The following SLC36A1 variants were observed in gnomAD, a reference collection of about 807,000 sequenced individuals.
SLC36A1 encodes solute carrier family 36 member 1, also known as proton-coupled amino acid transporter 1.
SLC36A1 carries 30 observed loss-of-function variants against 47.5 expected under a neutral mutation model. That is an observed-to-expected ratio of 0.63 (90% CI 0.47 to 0.86). The LOEUF (loss-of-function observed/expected upper bound fraction) is 0.86, where lower values mean the gene tolerates loss of function less well. Ranked by LOEUF, SLC36A1 falls within the 40% of genes least tolerant of loss-of-function variation. The pLI, the probability that SLC36A1 is intolerant of heterozygous loss-of-function variation, is 0.00. For synonymous variants in SLC36A1, 255 were observed against 249.7 expected, an observed-to-expected ratio of 1.02 and a Z score of -0.20; for missense variants, 517 against 606.0, an observed-to-expected ratio of 0.85 and a Z score of 1.54.
chr5:151,551,012 A>G, the SLC36A1 span: 1 of 769,420 alleles, frequency 1.3e-6, no homozygotes, highest in African/African-American at 1.8e-5. Context: ...TGTTGAATGA[A>G]TGACAGTATT....
the SLC36A1 span, among the ~76,000 whole-genome samples, chr5:151,526,335 G>A: frequency 2.0e-5 from 3 of 152,192 alleles, no homozygotes; most frequent in East Asian, 3.8e-4. Context: ...GGAATGTTGC[G>A]ATTTGCAAAG....
At chr5:151,398,811 A>G in the SLC36A1 span, among the ~76,000 whole-genome samples, 4 of 152,188 alleles carry the variant, frequency 2.6e-5, no homozygotes, top group Non-Finnish European at 2.9e-5. Context: ...CTCTTGGACA[A>G]TCATGTCACT....
chr5:151,531,903 G>A, the SLC36A1 span: 1 of 1,614,214 alleles, frequency 6.2e-7, no homozygotes, highest in East Asian at 2.2e-5. The surrounding 1 kb of genome is among the most constrained non-coding windows in gnomAD (Gnocchi z 5.7). Flanking sequence ...TCACCCCCGT[G>A]GTGGCGTCGA....
intron 1 of SLC36A1, 58 bp from the exon 2 acceptor site, chr5:151,458,730 A>G: frequency 6.3e-7 from 1 of 1,574,804 alleles, no homozygotes; most frequent in South Asian, 1.1e-5. Context: ...GGCCACCCCA[A>G]ATATGGAGCT....
upstream of SLC36A1, among the ~76,000 whole-genome samples, chr5:151,436,802 A>C (rs913111576): frequency 3.3e-5 from 5 of 152,160 alleles, no homozygotes; most frequent in African/African-American, 7.2e-5. Context: ...TCAGAGTTGC[A>C]AGATCTGAGA....
the SLC36A1 span, among the ~76,000 whole-genome samples, chr5:151,377,792 T>C: frequency 6.6e-6 from 1 of 152,246 alleles, no homozygotes; most frequent in Non-Finnish European, 1.5e-5. Flanking sequence ...TTTTTAACTA[T>C]TTTTGATTTA....
chr5:151,542,475 G>A, the SLC36A1 span: 12 of 1,614,072 alleles, frequency 7.4e-6, no homozygotes, highest in African/African-American at 1.3e-5. Context: ...AGGATAGCTG[G>A]ATGGTCTGTC....
At chr5:151,544,779 G>A in the SLC36A1 span, 27,483 of 1,614,138 alleles carry the variant, frequency 0.017, 292 homozygotes, top group Non-Finnish European at 0.019. Flanking sequence ...GGTCAATTCG[G>A]AAATATGTGT....
chr5:151,529,523 C>T, the SLC36A1 span: 3 of 670,642 alleles, frequency 4.5e-6, no homozygotes, highest in South Asian at 5.2e-5. Context: ...TCTGTCATCT[C>T]CCCATCCATC....
the SLC36A1 span, among the ~76,000 whole-genome samples, chr5:151,502,338 T>G: frequency 6.8e-6 from 1 of 147,630 alleles, no homozygotes. Flanking sequence ...AAACCTATGC[T>G]TTGTAAAAGA....
chr5:151,459,391 G>A (rs917262387), intron 2 of SLC36A1, among the ~76,000 whole-genome samples: 2 of 152,212 alleles, frequency 1.3e-5, no homozygotes, highest in Non-Finnish European at 2.9e-5. Context: ...AGGGTTGGTA[G>A]GAAAGGAAAG....
chr5:151,554,769 G>A, the SLC36A1 span: 2 of 935,084 alleles, frequency 2.1e-6, no homozygotes, highest in African/African-American at 3.4e-5. Flanking sequence ...TTGTTCTTTG[G>A]TATGAGCTTG....
intron 10 of SLC36A1, 150 bp from the exon 11 acceptor site, chr5:151,487,833 A>T: frequency 1.0e-6 from 1 of 954,160 alleles, no homozygotes; most frequent in South Asian, 1.7e-5. Flanking sequence ...CTGGGCATCT[A>T]TTTCACAGAG....
At chr5:151,531,558 C>A in the SLC36A1 span, 1 of 1,611,056 alleles carries the variant, frequency 6.2e-7, no homozygotes, top group Non-Finnish European at 8.5e-7. This position sits in a 1 kb window ranked among gnomAD's most constrained non-coding sequence, Gnocchi z 5.7. Context: ...GTACGCGATG[C>A]TTTGGGGCTT....
intron 1 of SLC36A1, among the ~76,000 whole-genome samples, chr5:151,454,083 ATTTTTTTTTTTTT>A (rs35097474): frequency 1.6e-4 from 14 of 88,106 alleles, no homozygotes; most frequent in African/African-American, 5.6e-4. Flanking sequence ...GTACACTTAA[ATTTTTTTTTTTTT>A]TTTTTTTTTT....
At chr5:151,464,935 C>A in intron 4 of SLC36A1, 139 bp from the exon 5 acceptor site, 2 of 685,036 alleles carry the variant, frequency 2.9e-6, no homozygotes, top group South Asian at 1.8e-5. Context: ...TCTTTGAAAG[C>A]ACGAGATACA....
At chr5:151,382,189 A>G in the SLC36A1 span, 1 of 1,107,738 alleles carries the variant, frequency 9.0e-7, no homozygotes, top group Non-Finnish European at 1.4e-6. Flanking sequence ...CTGAATGAGC[A>G]GCGTCTGATG....
At chr5:151,529,950 G>A in the SLC36A1 span, among the ~76,000 whole-genome samples, 1 of 152,158 alleles carries the variant, frequency 6.6e-6, no homozygotes, top group East Asian at 1.9e-4. Flanking sequence ...AGTTAATGGT[G>A]GACACTCTGC....
chr5:151,499,130 A>G, the SLC36A1 span, among the ~76,000 whole-genome samples: 2 of 152,234 alleles, frequency 1.3e-5, no homozygotes, highest in Admixed American at 1.3e-4. Context: ...TCAGCTTTGT[A>G]TCAATCTAAC....
Sources: gnomAD v4.1 joint callset for allele counts (sites outside exome capture counted in the v4.1 genomes callset) on GRCh38, gnomAD v4.1.1 for gene constraint, Gnocchi (gnomAD v3.1) non-coding constraint, MANE v1.5 for transcripts, NCBI Gene and HGNC (gene_info 2026-07-23, HGNC 2026-07-21) for gene names.